The following SPAG16 variants were observed in gnomAD, a reference collection of about 807,000 sequenced individuals.
SPAG16 encodes sperm associated antigen 16, also known as sperm-associated antigen 16 protein.
In SPAG16, 86 loss-of-function variants were observed where a neutral mutation model predicts 80.4. The observed-to-expected ratio is 1.07, with a 90% CI of 0.90 to 1.28. The LOEUF (loss-of-function observed/expected upper bound fraction) is 1.28. Ranked by LOEUF, SPAG16 falls within the 50% of genes most tolerant of loss-of-function variation. The probability of loss-of-function intolerance (pLI) is 0.00; values close to 1 mark genes in which losing one functional copy is unlikely to be tolerated. For synonymous variants in SPAG16, 294 were observed against 265.9 expected (o/e 1.11, Z -1.03); for missense variants, 870 against 765.3 (o/e 1.14, Z -1.61).
At chr2:213,440,724 G>T (rs2070903522) in intron 9 of SPAG16, among the ~76,000 whole-genome samples, 1 of 152,052 alleles carries the variant, frequency 6.6e-6, no homozygotes, top group Non-Finnish European at 1.5e-5. Context: ...GCAATCATTT[G>T]GTTATATGTA....
At chr2:213,719,376 G>A (rs1033206929) in intron 10 of SPAG16, among the ~76,000 whole-genome samples, 2 of 152,122 alleles carry the variant, frequency 1.3e-5, no homozygotes, top group African/African-American at 4.8e-5. Flanking sequence ...TGCACCAATC[G>A]ACACTCTGTA....
At chr2:213,685,267 C>T (rs2064607016) in intron 10 of SPAG16, among the ~76,000 whole-genome samples, 1 of 152,244 alleles carries the variant, frequency 6.6e-6, no homozygotes, top group Non-Finnish European at 1.5e-5. Flanking sequence ...AATGAGGTCA[C>T]TGGGGTAGAC....
chr2:213,872,973 T>C (rs1008675669), intron 11 of SPAG16, among the ~76,000 whole-genome samples: 6 of 92,860 alleles, frequency 6.5e-5, no homozygotes, highest in Admixed American at 3.4e-4. Context: ...TTGCTGGATT[T>C]GGTGTATTAG....
chr2:213,737,573 C>T (rs537602828), intron 10 of SPAG16, among the ~76,000 whole-genome samples: 11 of 150,906 alleles, frequency 7.3e-5, no homozygotes, highest in Non-Finnish European at 1.6e-4. Flanking sequence ...CTGCAAGCTC[C>T]GCCTCCCAGG....
At chr2:214,023,250 T>G (rs1172685304) in intron 13 of SPAG16, among the ~76,000 whole-genome samples, 1 of 151,830 alleles carries the variant, frequency 6.6e-6, no homozygotes, top group African/African-American at 2.4e-5. Flanking sequence ...AAAGTCACAC[T>G]GATTAAGATG....
At chr2:213,416,403 T>G (rs570438122) in intron 9 of SPAG16, among the ~76,000 whole-genome samples, 247 of 152,276 alleles carry the variant, frequency 1.6e-3, no homozygotes, top group African/African-American at 5.6e-3. Flanking sequence ...GAGCCAAAAC[T>G]AGGTCATAGC....
At chr2:213,891,776 A>G (rs10191167) in intron 11 of SPAG16, among the ~76,000 whole-genome samples, 89,398 of 152,000 alleles carry the variant, frequency 0.59, 28,207 homozygotes, top group South Asian at 0.85. Flanking sequence ...ATGGTAAGAT[A>G]ATAGGACTTC....
At chr2:213,496,545 A>G (rs1462836201) in intron 10 of SPAG16, among the ~76,000 whole-genome samples, 1 of 152,152 alleles carries the variant, frequency 6.6e-6, no homozygotes, top group Non-Finnish European at 1.5e-5. Flanking sequence ...TTTAATTGAA[A>G]CAGACACCAG....
intron 10 of SPAG16, among the ~76,000 whole-genome samples, chr2:213,853,561 A>G (rs2075013331): frequency 6.6e-6 from 1 of 152,240 alleles, no homozygotes; most frequent in Non-Finnish European, 1.5e-5. Flanking sequence ...AAGCAGGACT[A>G]GCATTCACCC....
intron 10 of SPAG16, among the ~76,000 whole-genome samples, chr2:213,643,450 T>C (rs1166581192): frequency 7.2e-6 from 1 of 139,740 alleles, no homozygotes; most frequent in Non-Finnish European, 1.5e-5. Flanking sequence ...TCTTTATCTT[T>C]CATCTTTGGG....
At chr2:213,746,467 G>A (rs2067828028) in intron 10 of SPAG16, among the ~76,000 whole-genome samples, 1 of 152,168 alleles carries the variant, frequency 6.6e-6, no homozygotes, top group Admixed American at 6.5e-5. Context: ...CTGTGGTTGT[G>A]GTGATGCTTA....
At chr2:213,304,592 T>C (rs1298475819) in intron 3 of SPAG16, among the ~76,000 whole-genome samples, 1 of 152,174 alleles carries the variant, frequency 6.6e-6, no homozygotes, top group East Asian at 1.9e-4. Flanking sequence ...TTCTTCTGGA[T>C]ATGGATATCC....
intron 10 of SPAG16, among the ~76,000 whole-genome samples, chr2:213,551,261 T>C (rs2125944714): frequency 6.6e-6 from 1 of 152,340 alleles, no homozygotes; most frequent in African/African-American, 2.4e-5. Context: ...CCAAGTAGTC[T>C]GGACCAAGAT....
intron 10 of SPAG16, among the ~76,000 whole-genome samples, chr2:213,826,428 G>T (rs1364338752): frequency 6.6e-6 from 1 of 151,582 alleles, no homozygotes; most frequent in Non-Finnish European, 1.5e-5. Context: ...CATACATTTT[G>T]GTAAGTTTAG....
At chr2:213,851,716 A>G (rs2105910843) in intron 10 of SPAG16, among the ~76,000 whole-genome samples, 1 of 152,306 alleles carries the variant, frequency 6.6e-6, no homozygotes, top group South Asian at 2.1e-4. Context: ...GTGGCAAGGC[A>G]TATACAATAT....
intron 9 of SPAG16, among the ~76,000 whole-genome samples, chr2:213,411,892 T>TAA (rs57998726): frequency 0.012 from 1,797 of 147,982 alleles, 10 homozygotes; most frequent in Admixed American, 0.016. Flanking sequence ...TAAGCCATGT[T>TAA]AAAAAAAAAA....
At chr2:213,882,221 A>G (rs2076370235) in intron 11 of SPAG16, among the ~76,000 whole-genome samples, 1 of 152,088 alleles carries the variant, frequency 6.6e-6, no homozygotes, top group African/African-American at 2.4e-5. Flanking sequence ...GTGCTGCTGG[A>G]TTCAGTTTGC....
chr2:214,073,533 C>A (rs2050916095), intron 13 of SPAG16, among the ~76,000 whole-genome samples: 2 of 152,066 alleles, frequency 1.3e-5, no homozygotes, highest in Non-Finnish European at 2.9e-5. Flanking sequence ...CCACGCCCGG[C>A]CGGATATTTT....
chr2:213,946,120 A>T (rs1452816092), intron 12 of SPAG16, among the ~76,000 whole-genome samples: 2 of 151,878 alleles, frequency 1.3e-5, no homozygotes, highest in African/African-American at 2.4e-5. Context: ...TTGTTGGGGA[A>T]ATTTTTTTGT....
Sources: gnomAD v4.1 joint callset for allele counts (sites outside exome capture counted in the v4.1 genomes callset) on GRCh38, gnomAD v4.1.1 for gene constraint, MANE v1.5 for transcripts, NCBI Gene and HGNC (gene_info 2026-07-23, HGNC 2026-07-21) for gene names.